TANK: variants seen among roughly 807,000 people sequenced by gnomAD.
TANK encodes TRAF family member-associated NF-kappa-B activator.
Under a neutral mutation model 43.6 loss-of-function variants are expected in TANK, and 15 were observed. The observed-to-expected ratio is 0.34, with a 90% CI of 0.23 to 0.53. TANK has a LOEUF of 0.53. TANK is among the 20% of genes least tolerant of loss of function. The pLI is 0.94. For synonymous variants in TANK, 162 were observed against 178.2 expected (o/e 0.91, Z 0.73); for missense variants, 417 against 498.6 (o/e 0.84, Z 1.56).
chr2:161,231,625 C>T (rs1022345581), intron 7 of TANK, 74 bp downstream of exon 7: 3 of 1,324,542 alleles, frequency 2.3e-6, no homozygotes, highest in Non-Finnish European at 3.2e-6. Flanking sequence ...AGATATGCAT[C>T]TCTTTTACGT....
intron 4 of TANK, chr2:161,212,305 C>T: frequency 1.2e-6 from 1 of 862,984 alleles, no homozygotes; most frequent in Non-Finnish European, 1.4e-6. Context: ...AAATGATCCA[C>T]CTGCCTCGGC....
chr2:161,162,671 TTATC>T (rs1289392645), intron 1 of TANK: 1 of 152,136 alleles, frequency 6.6e-6, no homozygotes, highest in Non-Finnish European at 1.5e-5. Context: ...TAAATTATAT[TTATC>T]AGGGAAGTTT....
intron 1 of TANK, among the ~76,000 whole-genome samples, chr2:161,144,451 AC>A (rs1392517372): frequency 6.6e-6 from 1 of 152,162 alleles, no homozygotes; most frequent in East Asian, 1.9e-4. Context: ...AGTGCTATAA[AC>A]TTCCCTCTTA....
At chr2:161,195,905 T>C (rs1230541673) in intron 2 of TANK, among the ~76,000 whole-genome samples, 2 of 152,072 alleles carry the variant, frequency 1.3e-5, no homozygotes, top group African/African-American at 2.4e-5. Context: ...GCCAACATGG[T>C]GAAACCCTGT....
intron 1 of TANK, among the ~76,000 whole-genome samples, chr2:161,141,966 A>G (rs890733049): frequency 5.3e-5 from 8 of 152,104 alleles, no homozygotes; most frequent in Admixed American, 3.3e-4. Context: ...AAGCATTCCT[A>G]TTTCTCCAAA....
intron 4 of TANK, among the ~76,000 whole-genome samples, chr2:161,206,744 A>G (rs1424460132): frequency 1.3e-5 from 2 of 152,006 alleles, no homozygotes; most frequent in African/African-American, 2.4e-5. Flanking sequence ...TTGGAATGCA[A>G]TTTTTTTACT....
chr2:161,210,797 T>C (rs562703789), intron 4 of TANK, among the ~76,000 whole-genome samples: 9 of 151,854 alleles, frequency 5.9e-5, no homozygotes, highest in Non-Finnish European at 1.2e-4. Context: ...GAGCTTAAGA[T>C]AGGCTTGATC....
At chr2:161,170,636 C>A (rs1684902367) in intron 1 of TANK, among the ~76,000 whole-genome samples, 1 of 152,146 alleles carries the variant, frequency 6.6e-6, no homozygotes, top group Non-Finnish European at 1.5e-5. Context: ...AAAATTAGAT[C>A]CAGGAGTCTT....
chr2:161,199,768 G>A (rs1204074921), intron 2 of TANK, among the ~76,000 whole-genome samples: 1 of 152,280 alleles, frequency 6.6e-6, no homozygotes, highest in East Asian at 1.9e-4. Flanking sequence ...TATGGGCCAG[G>A]CATGGTGGCT....
chr2:161,203,542 A>G lies in TANK; in HGVS notation c.155A>G (p.Gln52Arg). Residue 52 changes from glutamine (Q) to arginine (R), a missense_variant, in exon 3 of 8, where the codon CAG becomes CGG. By Grantham distance (43) the Gln-to-Arg change is conservative. Coordinates refer to ENST00000392749, the MANE Select transcript of TANK (RefSeq NM_001199135.3). ...REQQEQLSLQ[Q>R]TIIDKLKSQL... ...CAACAGGAACAGCTGTCACTTCAACAGACTATTATTGACAAGCTAAAATCT... is the reference window on the plus strand; with the variant it reads ...CAACAGGAACAGCTGTCACTTCAACGGACTATTATTGACAAGCTAAAATCT... 1.9e-6 allele frequency: 3 copies of G among 1,612,740 alleles called. No homozygotes were observed. Among genetic ancestry groups the G allele is most frequent in the South Asian group, 2.2e-5 (2 of 90,900 alleles).
At chr2:161,164,546 A>G (rs765035607) in intron 1 of TANK, among the ~76,000 whole-genome samples, 5 of 152,190 alleles carry the variant, frequency 3.3e-5, no homozygotes, top group Non-Finnish European at 7.4e-5. Context: ...GAAATGAACT[A>G]CCTTTTCAGT....
intron 7 of TANK, among the ~76,000 whole-genome samples, chr2:161,231,872 A>C (rs1246767483): frequency 1.3e-5 from 2 of 152,210 alleles, no homozygotes; most frequent in African/African-American, 4.8e-5. Flanking sequence ...AAGAATATTA[A>C]ATTTCATAGT....
chr2:161,224,456 G>C (rs1687506571), intron 5 of TANK, among the ~76,000 whole-genome samples, 175 bp from the exon 6 acceptor site: 1 of 151,870 alleles, frequency 6.6e-6, no homozygotes, highest in Non-Finnish European at 1.5e-5. Context: ...CTTTGTGCCT[G>C]GCCCTCTACA....
chr2:161,171,235 T>G (rs1684925734), intron 1 of TANK, among the ~76,000 whole-genome samples: 1 of 152,214 alleles, frequency 6.6e-6, no homozygotes, highest in Admixed American at 6.5e-5. Flanking sequence ...TAGCCTTCTC[T>G]TTAGGAATAT....
chr2:161,169,636 G>A (rs765100794), intron 1 of TANK, among the ~76,000 whole-genome samples: 5 of 151,942 alleles, frequency 3.3e-5, no homozygotes, highest in Non-Finnish European at 5.9e-5. Context: ...GCAGGAAATA[G>A]GAAGGGGAAA....
chr2:161,139,919 G>T (rs1380086657), intron 1 of TANK: 2 of 979,646 alleles, frequency 2.0e-6, no homozygotes, highest in Non-Finnish European at 2.4e-6. Flanking sequence ...TGTCCAAATT[G>T]ATTAATCTTA....
intron 2 of TANK, among the ~76,000 whole-genome samples, chr2:161,194,088 T>C (rs1381988618): frequency 6.6e-6 from 1 of 152,168 alleles, no homozygotes; most frequent in Non-Finnish European, 1.5e-5. Flanking sequence ...TTTCTATTGC[T>C]TCTTTGACCA....
chr2:161,184,339 C>G (rs959669034), intron 2 of TANK, among the ~76,000 whole-genome samples: 1 of 152,066 alleles, frequency 6.6e-6, no homozygotes, highest in South Asian at 2.1e-4. Context: ...ATATTAAGAA[C>G]CTATTTCATA....
Position 161,203,551 on chromosome 2 carries a change from T to C in TANK, c.164T>C (p.Ile55Thr), listed in dbSNP as rs1384131384. The C allele has an allele frequency of 1.2e-6, 2 of 1,612,354 alleles. No homozygotes were observed. The highest frequency in any genetic ancestry group is 2.2e-5 in the East Asian group (1 of 44,724). ...CAGCTGTCACTTCAACAGACTATTA[T>C]TGACAAGCTAAAATCTCAGTTACTT... The part of the protein sequence containing the change: ...QEQLSLQQTI[I>T]DKLKSQLLLV... The change falls in exon 3 of 8, where the codon ATT becomes ACT. Residue 55 changes from isoleucine to threonine, a missense_variant. Transcript: ENST00000392749.
Sources: gnomAD v4.1 joint callset for allele counts (sites outside exome capture counted in the v4.1 genomes callset) on GRCh38, gnomAD v4.1.1 for gene constraint, MANE v1.5 for transcripts, NCBI Gene and HGNC (gene_info 2026-07-23, HGNC 2026-07-21) for gene names.